The following XIAP variants were observed in gnomAD, a reference collection of about 807,000 sequenced individuals.
XIAP encodes X-linked inhibitor of apoptosis.
Under a neutral mutation model 33.1 loss-of-function variants are expected in XIAP, and 3 were observed. The ratio of observed to expected loss-of-function variants is 0.09; its 90% CI spans 0.04 to 0.23. XIAP has a LOEUF of 0.23. Among genes scored for constraint, XIAP ranks in the 10% least tolerant of loss-of-function variants. The pLI is 1.00. For synonymous variants in XIAP, 98 were observed against 121.3 expected (o/e 0.81, Z 1.26); for missense variants, 264 against 363.0 (o/e 0.73, Z 2.22).
At chrX:123,888,750 A>C (rs756903265) in intron 3 of XIAP, 32 bp downstream of exon 3, 2 of 1,151,269 alleles carry the variant, frequency 1.7e-6, no homozygotes, top group Non-Finnish European at 2.4e-6. Context: ...TGTACAGGCA[A>C]GTTGGATAGC....
rs1200642274 is a variant in XIAP at position 123,910,804 on chromosome X, C to G, written c.*3623C>G. 4 of 286,642 alleles carry G rather than the reference C, an allele frequency of 1.4e-5. No individual in the cohort carries two copies. Among genetic ancestry groups the G allele is most frequent in the Non-Finnish European group, 2.6e-5 (4 of 153,656 alleles). 23.6% of individuals were successfully genotyped at this position (286,642 alleles called of 1,213,427 possible). A position where few individuals can be genotyped will look rare whatever the true frequency, so the allele number is the denominator to read the frequency against. On this transcript the variant is annotated 3_prime_UTR_variant, in exon 7 of 7. Coordinates refer to ENST00000371199, the MANE Select transcript of XIAP (RefSeq NM_001167.4). ...AATGGTGTGAACCCGGGAGGCAGAG[C>G]TTGCAGTGAGCCGAGATCTCGCCAC...
At chrX:123,862,122 G>A (rs1040554062) in intron 1 of XIAP, among the ~76,000 whole-genome samples, 1 of 108,922 alleles carries the variant, frequency 9.2e-6, no homozygotes, top group African/African-American at 3.4e-5. Context: ...CTGTCATCCA[G>A]GCTGGAGTGC....
At chrX:123,899,144 A>AAAAAAAAAAAATAT (rs1186271285) in intron 5 of XIAP, among the ~76,000 whole-genome samples, 6 of 50,184 alleles carry the variant, frequency 1.2e-4, no homozygotes, top group African/African-American at 5.1e-4. Context: ...AAAAAAAAAA[A>AAAAAAAAAAAATAT]ATATATATAT....
Position 123,860,238 on chromosome X carries a change from T to C in XIAP, c.-88T>C. ...TCGGGCCGCGCCTCCTCCGGGACCC[T>C]CCCCTTGGACCGAGCCGATCGCCGC... On this transcript the variant is annotated 5_prime_UTR_variant, in exon 1 of 7. Coordinates refer to ENST00000371199, the MANE Select transcript of XIAP (RefSeq NM_001167.4). 3.0e-6 allele frequency: 1 copy of C among 329,760 alleles called. No homozygotes were observed. Among genetic ancestry groups the C allele is most frequent in the Non-Finnish European group, 5.9e-6 (1 of 169,972 alleles). The allele number at this position is 329,760 out of a possible 1,213,427, so 27.2% of individuals were successfully genotyped here. A position where few individuals can be genotyped will look rare whatever the true frequency, so the allele number is the denominator to read the frequency against.
Position 123,911,928 on chromosome X carries a change from G to A in XIAP, c.*4747G>A. On this transcript the variant is annotated 3_prime_UTR_variant, in exon 7 of 7. Coordinates refer to ENST00000371199, the MANE Select transcript of XIAP (RefSeq NM_001167.4). The stretch of plus-strand genomic sequence containing the variant: ...CTTTCATTTTACAGGTGAGGCAACT[G>A]AGACTCAAAGGTGATGTAATTTGTG... 1 of 328,948 alleles carries A rather than the reference G, an allele frequency of 3.0e-6. No individual in the cohort carries two copies. Among genetic ancestry groups the A allele is most frequent in the Non-Finnish European group, 5.9e-6 (1 of 169,923 alleles). The allele number at this position is 328,948 out of a possible 1,213,427, so 27.1% of individuals were successfully genotyped here.
intron 6 of XIAP, among the ~76,000 whole-genome samples, chrX:123,902,111 C>T (rs1220462518): frequency 8.9e-6 from 1 of 112,085 alleles, no homozygotes; most frequent in Non-Finnish European, 1.9e-5. Context: ...ATCTTAAACA[C>T]GCGCTTAATT....
intron 1 of XIAP, among the ~76,000 whole-genome samples, chrX:123,862,305 G>A (rs1276023559): frequency 1.8e-5 from 2 of 108,345 alleles, no homozygotes; most frequent in African/African-American, 3.4e-5. Context: ...CTGACCTCAG[G>A]TGATGCACCC....
chrX:123,870,212 T>A (rs2053181833), intron 1 of XIAP, among the ~76,000 whole-genome samples: 1 of 112,897 alleles, frequency 8.9e-6, no homozygotes, highest in Admixed American at 9.4e-5. Flanking sequence ...TCTGCCCACC[T>A]CAACCTCCCA....
intron 5 of XIAP, among the ~76,000 whole-genome samples, chrX:123,895,958 C>T (rs770939842): frequency 1.4e-4 from 15 of 111,084 alleles, no homozygotes; most frequent in Non-Finnish European, 2.3e-4. Context: ...GACGGGGTTT[C>T]GCTATATTAG....
intron 1 of XIAP, among the ~76,000 whole-genome samples, chrX:123,875,703 T>C (rs1401225930): frequency 9.7e-6 from 1 of 103,061 alleles, no homozygotes; most frequent in Non-Finnish European, 2.0e-5. Flanking sequence ...TTTTTTTTTT[T>C]GAGACGGAGT....
intron 5 of XIAP, among the ~76,000 whole-genome samples, chrX:123,894,995 AAAC>A (rs750683554): frequency 3.6e-5 from 4 of 110,464 alleles, no homozygotes; most frequent in Non-Finnish European, 5.7e-5. Context: ...TAAATAAATA[AAAC>A]ATAAATTCAG....
rs756425151 is a variant in XIAP, at chrX:123,909,373, T to A, written c.*2192T>A. 2 of 327,686 alleles carry A rather than the reference T, an allele frequency of 6.1e-6. No individual in the cohort carries two copies. Among genetic ancestry groups the A allele is most frequent in the Non-Finnish European group, 1.2e-5 (2 of 169,814 alleles). 27.0% of individuals were successfully genotyped at this position (327,686 alleles called of 1,213,427 possible). On this transcript the variant is annotated 3_prime_UTR_variant, in exon 7 of 7. Transcript: ENST00000371199. ...AATGAGAGTTTTAAAAATTAAATAA[T>A]GACTGCCCTGTTTCTGTTTTAGTAT...
Position 123,913,881 on chromosome X carries a change from C to T in XIAP, c.*6700C>T, listed in dbSNP as rs1265869334. Reference sequence around the variant, plus strand: ...TCTGTGTGGAAAACTAAGAAAATTGCTTTCTGCTGTATAATCTGGCATTCA... The same window carrying T: ...TCTGTGTGGAAAACTAAGAAAATTGTTTTCTGCTGTATAATCTGGCATTCA... On this transcript the variant is annotated 3_prime_UTR_variant, in exon 7 of 7. Transcript: ENST00000371199. 1 of 313,594 alleles carries T rather than the reference C, an allele frequency of 3.2e-6. No homozygotes were observed. Among genetic ancestry groups the T allele is most frequent in the Non-Finnish European group, 6.1e-6 (1 of 164,599 alleles). 25.8% of individuals were successfully genotyped at this position (313,594 alleles called of 1,213,427 possible). A position where few individuals can be genotyped will look rare whatever the true frequency, so the allele number is the denominator to read the frequency against.
intron 1 of XIAP, among the ~76,000 whole-genome samples, chrX:123,876,801 C>A (rs1190059245): frequency 8.9e-6 from 1 of 112,015 alleles, no homozygotes; most frequent in Non-Finnish European, 1.9e-5. Flanking sequence ...GTTAGGCAGT[C>A]TTCCTAGAAT....
chrX:123,896,189 TC>T lies in XIAP; in HGVS notation c.1099+3418del, dbSNP rs772989503. ...TCAAGCAATTCTGCTGCCTCAGTCTTCCGGGTAGCTGGGACTACGGGTGTGC... is the reference window on the plus strand; with the variant it reads ...TCAAGCAATTCTGCTGCCTCAGTCTTCGGGTAGCTGGGACTACGGGTGTGC... On this transcript the variant is annotated intron_variant, in intron 5 of 6. Coordinates refer to ENST00000371199, the MANE Select transcript of XIAP (RefSeq NM_001167.4). Among the ~76,000 whole-genome samples the T allele has an allele frequency of 9.0e-5, 10 of 110,659 alleles. No individual in the cohort carries two copies. The South Asian group carries it at 3.8e-3, about 42-fold the overall frequency.
chrX:123,883,341 C>T (rs1271291979), intron 1 of XIAP, among the ~76,000 whole-genome samples: 1 of 111,123 alleles, frequency 9.0e-6, no homozygotes, highest in Non-Finnish European at 1.9e-5. Context: ...ACCTTGGCCT[C>T]CCAAAGTGCT....
chrX:123,889,853 A>G (rs2053388156), intron 3 of XIAP, among the ~76,000 whole-genome samples: 1 of 109,879 alleles, frequency 9.1e-6, no homozygotes, highest in Admixed American at 9.9e-5. Context: ...CAGATTAGGA[A>G]ATGTGTGCTT....
In XIAP at chrX:123,907,957, GA is replaced by G; in HGVS notation, c.*777del. ...CTGTTAAATGTGGTTTCTCTTCGGG[GA>G]GGGGGGGATTGGGGGAGGGGCCCCA... On this transcript the variant is annotated 3_prime_UTR_variant, in exon 7 of 7. Coordinates refer to ENST00000371199, the MANE Select transcript of XIAP (RefSeq NM_001167.4). 2.7e-6 allele frequency: 1 copy of G among 365,940 alleles called. No homozygotes were observed. Among genetic ancestry groups the G allele is most frequent in the Non-Finnish European group, 5.2e-6 (1 of 193,909 alleles). The allele number at this position is 365,940 out of a possible 1,213,427, so 30.2% of individuals were successfully genotyped here. A position where few individuals can be genotyped will look rare whatever the true frequency, so the allele number is the denominator to read the frequency against.
chrX:123,876,859 G>T (rs766879078), intron 1 of XIAP, among the ~76,000 whole-genome samples: 39 of 111,478 alleles, frequency 3.5e-4, no homozygotes, highest in Non-Finnish European at 6.8e-4. Context: ...AAATACACAG[G>T]TTTGTTCCAT....
Sources: allele counts gnomAD v4.1 joint callset (sites outside exome capture counted in the v4.1 genomes callset), GRCh38; gene constraint gnomAD v4.1.1; transcripts MANE v1.5; gene names NCBI Gene and HGNC (gene_info 2026-07-23, HGNC 2026-07-21).